SPATA13: variants seen among roughly 807,000 people sequenced by gnomAD.
SPATA13 encodes the protein spermatogenesis associated 13.
In SPATA13, 50 loss-of-function variants were observed where a neutral mutation model predicts 104.0. The observed-to-expected ratio is 0.48, with a 90% CI of 0.38 to 0.61. The LOEUF (loss-of-function observed/expected upper bound fraction) is 0.61, where lower values mean the gene tolerates loss of function less well. Ranked by LOEUF, SPATA13 falls within the 20% of genes least tolerant of loss-of-function variation. The pLI is 0.00. For missense variants in SPATA13, 1,524 were observed against 1,690.6 expected, an observed-to-expected ratio of 0.90 and a Z score of 1.73; for synonymous variants, 606 against 667.5, an observed-to-expected ratio of 0.91 and a Z score of 1.42.
chr13:24,233,778 C>T (rs570585904), intron 2 of SPATA13, among the ~76,000 whole-genome samples: 12 of 152,086 alleles, frequency 7.9e-5, no homozygotes, highest in Admixed American at 3.9e-4. Flanking sequence ...AAATTATGTA[C>T]TTGTGAAGTT....
In SPATA13 at chr13:24,051,513, C is replaced by A. The variant is rs916325751; in HGVS notation, c.-112+33812C>A. On this transcript the variant is annotated intron_variant, in intron 3 of 14. Coordinates refer to the SPATA13 transcript ENST00000424834. The surrounding 1 kb of genome is among the most constrained non-coding windows in gnomAD (Gnocchi z 4.2). Reference sequence around the variant, plus strand: ...TGGGACATACTCATGCACACCCAACCCTTAGGGGAGGAGATTATGCCCAGT... The same window carrying A: ...TGGGACATACTCATGCACACCCAACACTTAGGGGAGGAGATTATGCCCAGT... 1.3e-5 allele frequency among the ~76,000 whole-genome samples: 2 copies of A among 152,296 alleles called. No homozygotes were observed. The highest frequency in any genetic ancestry group is 4.1e-4 in the South Asian group (2 of 4,820).
At chr13:24,014,592 G>T (rs1190958085) in intron 2 of SPATA13, among the ~76,000 whole-genome samples, 5 of 152,192 alleles carry the variant, frequency 3.3e-5, no homozygotes, top group Admixed American at 6.5e-5. Context: ...TTCATTAAGT[G>T]CAAGTGGATC....
intron 11 of SPATA13, among the ~76,000 whole-genome samples, chr13:24,299,526 G>C (rs986899329): frequency 6.6e-6 from 1 of 152,224 alleles, no homozygotes; most frequent in Admixed American, 6.5e-5. Context: ...GGTGGCCAGC[G>C]TACAGAGCCT....
intron 3 of SPATA13, among the ~76,000 whole-genome samples, chr13:24,079,853 C>T (rs1879451413): frequency 6.6e-6 from 1 of 152,274 alleles, no homozygotes; most frequent in Middle Eastern, 3.4e-3. Flanking sequence ...TTACTTGACT[C>T]TCCCGTGAGG....
intron 3 of SPATA13, among the ~76,000 whole-genome samples, chr13:24,041,910 G>A (rs912865): frequency 0.48 from 72,984 of 151,976 alleles, 19,325 homozygotes; most frequent in East Asian, 0.64. Context: ...GAGGCGTAAC[G>A]GTCAATTGGA....
rs113395063 is a variant in SPATA13 at position 24,133,893 on chromosome 13, C to G, written c.-111-88926C>G. Among the ~76,000 whole-genome samples the G allele has an allele frequency of 2.6e-3, 397 of 152,336 alleles. 3 individuals are homozygous for G. The highest frequency in any genetic ancestry group is 9.4e-3 in the African/African-American group (390 of 41,574). The stretch of plus-strand genomic sequence containing the variant: ...TGTGGCCTCCAGAAGAAGTGACAGC[C>G]TGCGTAGAATCAGACAGCGCATCCA... On this transcript the variant is annotated intron_variant, in intron 3 of 14. Transcript: ENST00000424834.
chr13:24,010,474 T>C (rs1455977889), intron 2 of SPATA13, among the ~76,000 whole-genome samples: 6 of 143,350 alleles, frequency 4.2e-5, no homozygotes, highest in African/African-American at 1.3e-4. Flanking sequence ...TTTTTTTTTT[T>C]CATCTTTGTA....
At chr13:24,174,085 G>T (rs994373257) in intron 1 of SPATA13, among the ~76,000 whole-genome samples, 1 of 152,018 alleles carries the variant, frequency 6.6e-6, no homozygotes, top group African/African-American at 2.4e-5. Flanking sequence ...AAACCACCTG[G>T]GCATAAAGAT....
chr13:24,254,782 C>G (rs781095297), intron 4 of SPATA13, among the ~76,000 whole-genome samples: 11 of 151,860 alleles, frequency 7.2e-5, no homozygotes, highest in Non-Finnish European at 1.5e-4. Flanking sequence ...GGCTTGGCAT[C>G]CATTTTTGCC....
intron 2 of SPATA13, among the ~76,000 whole-genome samples, chr13:23,985,549 G>A (rs996986984): frequency 6.6e-6 from 1 of 152,218 alleles, no homozygotes; most frequent in Non-Finnish European, 1.5e-5. Context: ...GGAAATCCTA[G>A]CTCTGGTTGT....
chr13:24,247,158 A>G (rs1336996235), intron 2 of SPATA13, among the ~76,000 whole-genome samples: 2 of 152,120 alleles, frequency 1.3e-5, no homozygotes, highest in African/African-American at 2.4e-5. Context: ...AATCATTTGT[A>G]TGCTATTCTG....
intron 2 of SPATA13, among the ~76,000 whole-genome samples, chr13:24,000,636 C>CA (rs1875917214): frequency 6.6e-6 from 1 of 152,128 alleles, no homozygotes; most frequent in South Asian, 2.1e-4. Flanking sequence ...CAGGAAAGGG[C>CA]AACAGGACAT....
At chr13:24,015,453 GA>G in intron 2 of SPATA13, among the ~76,000 whole-genome samples, 1 of 152,262 alleles carries the variant, frequency 6.6e-6, no homozygotes, top group East Asian at 1.9e-4. Context: ...TAATTTCGGG[GA>G]CAGCCCTGCT....
chr13:24,122,259 C>T (rs1593343774), intron 3 of SPATA13: 1 of 1,324,270 alleles, frequency 7.6e-7, no homozygotes, highest in East Asian at 2.3e-5. Flanking sequence ...TGATACCACA[C>T]AGGATTACGA....
chr13:24,022,728 G>T (rs1877040836), intron 3 of SPATA13, among the ~76,000 whole-genome samples: 1 of 152,162 alleles, frequency 6.6e-6, no homozygotes, highest in Admixed American at 6.5e-5. Context: ...CAGCATGTGG[G>T]AGGATTTGGG....
intron 2 of SPATA13, among the ~76,000 whole-genome samples, chr13:24,014,156 C>T (rs900387245): frequency 6.6e-6 from 1 of 152,146 alleles, no homozygotes; most frequent in Non-Finnish European, 1.5e-5. Context: ...CAGGGAAGGT[C>T]GGGGCCCAGC....
chr13:24,097,108 A>G (rs1880109429), intron 3 of SPATA13, among the ~76,000 whole-genome samples: 1 of 152,070 alleles, frequency 6.6e-6, no homozygotes, highest in South Asian at 2.1e-4. Flanking sequence ...ATGGAGATAG[A>G]ATTAATAGGG....
At chr13:24,261,787 C>A (rs1034991434) in intron 4 of SPATA13, among the ~76,000 whole-genome samples, 1 of 151,784 alleles carries the variant, frequency 6.6e-6, no homozygotes, top group Non-Finnish European at 1.5e-5. Flanking sequence ...AAAAAAAAAC[C>A]GGTTTCAGTT....
chr13:24,192,927 A>G lies in SPATA13; in HGVS notation c.-111-29892A>G, dbSNP rs573429445. Among the ~76,000 whole-genome samples, 18 of 152,304 alleles carry G rather than the reference A, an allele frequency of 1.2e-4. No homozygotes were observed. In the East Asian group the frequency reaches 3.5e-3, roughly 29 times the overall value. ...CACTGGTAGAGATGGACAGGAGGAA[A>G]AGGATTCTTTCCTCCCCCTGCTGTT... On this transcript the variant is annotated intron_variant, in intron 1 of 12. Coordinates refer to ENST00000382108, the MANE Select transcript of SPATA13 (RefSeq NM_001166271.3).
Sources: allele counts gnomAD v4.1 joint callset (sites outside exome capture counted in the v4.1 genomes callset), GRCh38; gene constraint gnomAD v4.1.1; non-coding constraint Gnocchi (gnomAD v3.1); transcripts MANE v1.5; gene names NCBI Gene and HGNC (gene_info 2026-07-23, HGNC 2026-07-21).